Variants in PPP2R2B observed in about 807,000 individuals in gnomAD.
PPP2R2B encodes the protein serine/threonine-protein phosphatase 2A 55 kDa regulatory subunit B beta isoform.
In PPP2R2B, 5 loss-of-function variants were observed where a neutral mutation model predicts 46.0. That is an observed-to-expected ratio of 0.11 (90% CI 0.06 to 0.23). PPP2R2B has a LOEUF of 0.23. Ranked by LOEUF, PPP2R2B falls within the 10% of genes least tolerant of loss-of-function variation. PPP2R2B has a pLI of 1.00. For missense variants in PPP2R2B, 367 were observed against 575.0 expected (o/e 0.64, Z 3.70); for synonymous variants, 215 against 206.7 (o/e 1.04, Z -0.34).
chr5:147,035,095 C>T, intron 1 of PPP2R2B: 2 of 455,570 alleles, frequency 4.4e-6, no homozygotes, highest in Admixed American at 2.4e-5. Flanking sequence ...TGCATTAGTT[C>T]GTTCTCACAC....
chr5:146,857,758 G>A (rs1246375604), intron 2 of PPP2R2B, among the ~76,000 whole-genome samples: 2 of 152,068 alleles, frequency 1.3e-5, no homozygotes, highest in Admixed American at 1.3e-4. Flanking sequence ...CACGATCTCG[G>A]CTCATTGCAA....
chr5:146,872,261 T>C (rs1023539878), intron 2 of PPP2R2B, among the ~76,000 whole-genome samples: 14 of 152,226 alleles, frequency 9.2e-5, no homozygotes, highest in Non-Finnish European at 1.6e-4. Flanking sequence ...TTATTATGTT[T>C]AGTAGCAGAA....
chr5:146,749,612 T>C lies in PPP2R2B; in HGVS notation c.71-48470A>G, dbSNP rs866702602. On this transcript the variant is annotated intron_variant, in intron 2 of 9. Coordinates refer to ENST00000394411, the MANE Select transcript of PPP2R2B (RefSeq NM_181675.4). ...CCTTTTTTTCTTTTCTTTTCTTTTTTTTTTTTTTTTTTTTCGAGATGGAGT... is the reference window on the plus strand; with the variant it reads ...CCTTTTTTTCTTTTCTTTTCTTTTTCTTTTTTTTTTTTTTCGAGATGGAGT... Among the ~76,000 whole-genome samples the C allele has an allele frequency of 5.5e-4, 81 of 146,870 alleles. No individual in the cohort carries two copies. The East Asian group carries it at 8.2e-3, about 15-fold the overall frequency.
At chr5:146,972,711 C>A (rs1752715430) in intron 1 of PPP2R2B, among the ~76,000 whole-genome samples, 1 of 151,582 alleles carries the variant, frequency 6.6e-6, no homozygotes, top group Non-Finnish European at 1.5e-5. Flanking sequence ...GACTCCATCT[C>A]AAAAAAACAA....
intron 2 of PPP2R2B, among the ~76,000 whole-genome samples, chr5:146,870,032 T>A (rs1372052093): frequency 2.0e-5 from 3 of 152,154 alleles, no homozygotes; most frequent in African/African-American, 7.2e-5. Context: ...ATATTCCCTA[T>A]TAGAGACATT....
intron 1 of PPP2R2B, among the ~76,000 whole-genome samples, chr5:146,936,371 G>A (rs1764139144): frequency 6.6e-6 from 1 of 151,760 alleles, no homozygotes; most frequent in African/African-American, 2.4e-5. Context: ...CCCTCTGAGT[G>A]GGCATAAGAA....
intron 5 of PPP2R2B, among the ~76,000 whole-genome samples, chr5:146,672,693 C>A (rs322985): frequency 6.6e-6 from 1 of 151,992 alleles, no homozygotes. Context: ...GATGGCAGAC[C>A]AACCTCCCTC....
At chr5:146,776,405 T>C (rs1561898110) in intron 2 of PPP2R2B, among the ~76,000 whole-genome samples, 1 of 151,994 alleles carries the variant, frequency 6.6e-6, no homozygotes, top group Non-Finnish European at 1.5e-5. Flanking sequence ...GAGGAAAGAA[T>C]ACTCTCCTCA....
At chr5:146,970,248 C>T (rs971547660) in intron 1 of PPP2R2B, among the ~76,000 whole-genome samples, 2 of 152,162 alleles carry the variant, frequency 1.3e-5, no homozygotes, top group African/African-American at 4.8e-5. Flanking sequence ...GAGTCTGGCA[C>T]CAGAACCTAC....
intron 2 of PPP2R2B, among the ~76,000 whole-genome samples, chr5:146,725,392 G>A (rs1751800118): frequency 6.6e-6 from 1 of 151,924 alleles, no homozygotes; most frequent in South Asian, 2.1e-4. Context: ...TCAGAAGGCT[G>A]GAAAAAAAAT....
chr5:146,745,837 A>G (rs1030248744), intron 2 of PPP2R2B, among the ~76,000 whole-genome samples: 3 of 152,152 alleles, frequency 2.0e-5, no homozygotes, highest in Non-Finnish European at 2.9e-5. Flanking sequence ...GCATGCCTAT[A>G]GTCCCAGCTA....
In PPP2R2B at chr5:146,589,884, A is replaced by G; in HGVS notation, c.*63T>C. The G allele has an allele frequency of 6.7e-7, 1 of 1,492,606 alleles. No individual in the cohort carries two copies. Among genetic ancestry groups the G allele is most frequent in the South Asian group, 1.2e-5 (1 of 82,956 alleles). 92.5% of individuals were successfully genotyped at this position (1,492,606 alleles called of 1,614,324 possible). On this transcript the variant is annotated 3_prime_UTR_variant, in exon 10 of 10. Coordinates refer to ENST00000394411, the MANE Select transcript of PPP2R2B (RefSeq NM_181675.4). ...ATGCATCAAATGAAGACCCAAAGAA[A>G]CATTTAAAAACTTGTTTGACTAGTA...
chr5:146,948,604 T>C (rs1764558856), intron 1 of PPP2R2B, among the ~76,000 whole-genome samples: 1 of 152,110 alleles, frequency 6.6e-6, no homozygotes, highest in African/African-American at 2.4e-5. Context: ...TAACTTAATC[T>C]TTATAATTTT....
At chr5:146,801,525 C>T (rs1756864937) in intron 2 of PPP2R2B, among the ~76,000 whole-genome samples, 1 of 152,134 alleles carries the variant, frequency 6.6e-6, no homozygotes, top group South Asian at 2.1e-4. Flanking sequence ...GACTGGAGCA[C>T]AGAAGATGCC....
intron 1 of PPP2R2B, among the ~76,000 whole-genome samples, chr5:147,028,669 T>C (rs148605805): frequency 2.0e-5 from 3 of 152,336 alleles, no homozygotes; most frequent in East Asian, 3.9e-4. Flanking sequence ...TTTTGGTGAA[T>C]ATATGTATGT....
intron 1 of PPP2R2B, among the ~76,000 whole-genome samples, chr5:146,952,296 T>C (rs1751651703): frequency 6.6e-6 from 1 of 151,622 alleles, no homozygotes; most frequent in Non-Finnish European, 1.5e-5. Flanking sequence ...CTTGTGGTGA[T>C]TTTTTTTTCT....
intron 1 of PPP2R2B, among the ~76,000 whole-genome samples, chr5:146,959,391 A>G (rs1392848744): frequency 6.6e-6 from 1 of 152,194 alleles, no homozygotes; most frequent in Admixed American, 6.5e-5. Flanking sequence ...ACTCAGAAGG[A>G]AACAGTGATT....
intron 2 of PPP2R2B, among the ~76,000 whole-genome samples, chr5:147,069,855 A>G (rs1001749246): frequency 7.8e-6 from 1 of 128,362 alleles, no homozygotes; most frequent in African/African-American, 2.9e-5. Flanking sequence ...CAGTGACACA[A>G]TCTTGGCTCA....
At chr5:146,912,941 G>A (rs1460776296) in intron 1 of PPP2R2B, among the ~76,000 whole-genome samples, 1 of 152,114 alleles carries the variant, frequency 6.6e-6, no homozygotes, top group Non-Finnish European at 1.5e-5. Flanking sequence ...ATTATATGCT[G>A]GTAAGTTCAA....
Sources: gnomAD v4.1 joint callset for allele counts (sites outside exome capture counted in the v4.1 genomes callset) on GRCh38, gnomAD v4.1.1 for gene constraint, MANE v1.5 for transcripts, NCBI Gene and HGNC (gene_info 2026-07-23, HGNC 2026-07-21) for gene names.